The following CPQ variants were observed in gnomAD, a reference collection of about 807,000 sequenced individuals.
CPQ encodes the protein carboxypeptidase Q, also known as Ser-Met dipeptidase.
CPQ carries 37 observed loss-of-function variants against 45.7 expected under a neutral mutation model. That is an observed-to-expected ratio of 0.81 (90% CI 0.62 to 1.07). The LOEUF is 1.07. CPQ is among the 50% of genes least tolerant of loss of function. The pLI is 0.00. For synonymous variants in CPQ, 186 were observed against 205.8 expected (o/e 0.90, Z 0.82); for missense variants, 537 against 572.9 (o/e 0.94, Z 0.64).
intron 5 of CPQ, among the ~76,000 whole-genome samples, chr8:97,023,041 A>T (rs954789072): frequency 7.2e-6 from 1 of 139,748 alleles, no homozygotes; most frequent in African/African-American, 2.7e-5. Context: ...GTATATATAC[A>T]GTATATATAC....
chr8:96,782,217 A>G (rs760292031), intron 1 of CPQ, among the ~76,000 whole-genome samples: 1 of 152,188 alleles, frequency 6.6e-6, no homozygotes, highest in Non-Finnish European at 1.5e-5. Context: ...TGTCTGATAC[A>G]TTCTTTAAAA....
At chr8:96,849,282 A>C (rs1416392326) in intron 3 of CPQ, among the ~76,000 whole-genome samples, 6 of 152,208 alleles carry the variant, frequency 3.9e-5, no homozygotes, top group Non-Finnish European at 1.5e-5. Flanking sequence ...GTAGGAATTA[A>C]TGAGGATTGG....
At chr8:96,730,866 C>CATACATACATATATATAT (rs56216136) in intron 1 of CPQ, among the ~76,000 whole-genome samples, 30 of 68,696 alleles carry the variant, frequency 4.4e-4, no homozygotes, top group Non-Finnish European at 7.6e-4. Flanking sequence ...ACCATACATA[C>CATACATACATATATATAT]ATATATATAT....
intron 4 of CPQ, among the ~76,000 whole-genome samples, chr8:96,933,779 A>G (rs1483878698): frequency 6.6e-6 from 1 of 152,084 alleles, no homozygotes; most frequent in Non-Finnish European, 1.5e-5. Flanking sequence ...AGTGATGACC[A>G]TGTGGTATTG....
chr8:96,672,753 G>C (rs546227572), intron 1 of CPQ, among the ~76,000 whole-genome samples: 22 of 152,164 alleles, frequency 1.4e-4, no homozygotes, highest in South Asian at 8.3e-4. Flanking sequence ...ACTCCAGCCT[G>C]GGAGACAGAG....
chr8:97,044,651 G>A (rs1384601952), intron 6 of CPQ, among the ~76,000 whole-genome samples: 1 of 152,172 alleles, frequency 6.6e-6, no homozygotes, highest in Non-Finnish European at 1.5e-5. Flanking sequence ...GTGATGTACA[G>A]ATGGGTTTTT....
At chr8:96,950,699 C>T (rs1813250596) in intron 4 of CPQ, among the ~76,000 whole-genome samples, 2 of 152,068 alleles carry the variant, frequency 1.3e-5, no homozygotes, top group African/African-American at 4.8e-5. Context: ...ATTATGAAAA[C>T]AATAAAATAT....
intron 6 of CPQ, among the ~76,000 whole-genome samples, chr8:97,031,159 T>TA (rs987426254): frequency 1.8e-4 from 26 of 148,150 alleles, no homozygotes; most frequent in African/African-American, 5.7e-4. Flanking sequence ...GGACTTTATA[T>TA]AAAAAAAAGA....
chr8:96,747,732 A>G (rs1810209005), intron 1 of CPQ, among the ~76,000 whole-genome samples: 1 of 152,152 alleles, frequency 6.6e-6, no homozygotes. Flanking sequence ...TGGTTCTCAG[A>G]CCATAGCCTT....
At chr8:96,856,126 T>A (rs1390390370) in intron 3 of CPQ, among the ~76,000 whole-genome samples, 4 of 152,252 alleles carry the variant, frequency 2.6e-5, no homozygotes, top group Non-Finnish European at 5.9e-5. Context: ...GCTTGCATTT[T>A]ATCCTGATTG....
chr8:97,114,227 G>T (rs2130597756), intron 7 of CPQ, among the ~76,000 whole-genome samples: 1 of 152,356 alleles, frequency 6.6e-6, no homozygotes, highest in East Asian at 1.9e-4. Context: ...ATGTTTCAAA[G>T]TAGTTGGCAC....
At chr8:96,816,145 A>G (rs539581236) in intron 2 of CPQ, among the ~76,000 whole-genome samples, 118 of 152,268 alleles carry the variant, frequency 7.7e-4, no homozygotes, top group African/African-American at 2.8e-3. Context: ...CCACAGTAGG[A>G]CTTCCAAAAT....
intron 1 of CPQ, among the ~76,000 whole-genome samples, chr8:96,647,245 C>T (rs1358801770): frequency 1.3e-5 from 2 of 152,124 alleles, no homozygotes; most frequent in Non-Finnish European, 2.9e-5. Context: ...ATGTTACCTA[C>T]TTCAGTGAAT....
At chr8:96,758,960 G>T (rs557691055) in intron 1 of CPQ, among the ~76,000 whole-genome samples, 1 of 152,214 alleles carries the variant, frequency 6.6e-6, no homozygotes, top group East Asian at 1.9e-4. Flanking sequence ...CTTAATGATG[G>T]GGATAGAAGT....
intron 1 of CPQ, among the ~76,000 whole-genome samples, chr8:96,647,185 C>A (rs892265805): frequency 2.6e-5 from 4 of 152,240 alleles, no homozygotes; most frequent in African/African-American, 9.6e-5. Flanking sequence ...TTTTTGCATG[C>A]TACATTTAAC....
intron 4 of CPQ, among the ~76,000 whole-genome samples, chr8:96,891,525 T>C (rs1171870761): frequency 6.6e-6 from 1 of 152,156 alleles, no homozygotes; most frequent in African/African-American, 2.4e-5. Context: ...CATGGGCCCA[T>C]TGAGCAATGA....
chr8:96,895,007 A>G (rs1812424893), intron 4 of CPQ, among the ~76,000 whole-genome samples: 1 of 152,148 alleles, frequency 6.6e-6, no homozygotes, highest in African/African-American at 2.4e-5. Context: ...ATTATTCTCC[A>G]CCATACCTCA....
At chr8:96,998,384 G>C (rs1323400512) in intron 5 of CPQ, among the ~76,000 whole-genome samples, 2 of 151,816 alleles carry the variant, frequency 1.3e-5, no homozygotes, top group Non-Finnish European at 2.9e-5. Flanking sequence ...GTCAAAGGGA[G>C]ACTTTATAAA....
At chr8:96,738,775 A>G (rs1455532995) in intron 1 of CPQ, among the ~76,000 whole-genome samples, 1 of 152,154 alleles carries the variant, frequency 6.6e-6, no homozygotes, top group African/African-American at 2.4e-5. Context: ...CCGTGTCCCT[A>G]CAAAGGACAT....
Sources: gnomAD v4.1 joint callset for allele counts (sites outside exome capture counted in the v4.1 genomes callset) on GRCh38, gnomAD v4.1.1 for gene constraint, MANE v1.5 for transcripts, NCBI Gene and HGNC (gene_info 2026-07-23, HGNC 2026-07-21) for gene names.